ZNF483: variants seen among roughly 807,000 people sequenced by gnomAD.
ZNF483 encodes zinc finger protein HIT-10.
In ZNF483, 9 loss-of-function variants were observed where a neutral mutation model predicts 28.6. The observed-to-expected ratio is 0.32, with a 90% confidence interval of 0.19 to 0.55. The LOEUF (loss-of-function observed/expected upper bound fraction) is 0.55, where lower values mean the gene tolerates loss of function less well. Among genes scored for constraint, ZNF483 ranks in the 20% least tolerant of loss-of-function variants. The pLI is 0.93. For missense variants in ZNF483, 675 were observed against 871.7 expected, an observed-to-expected ratio of 0.77 and a Z score of 2.84; for synonymous variants, 322 against 306.2, an observed-to-expected ratio of 1.05 and a Z score of -0.54.
chr9:111,570,281 CA>C, intron 5 of ZNF483: 1 of 1,526,658 alleles, frequency 6.6e-7, no homozygotes, highest in South Asian at 1.3e-5. Context: ...CAGTACAGGT[CA>C]CTGTCACTGT....
chr9:111,570,586 T>C lies in ZNF483; in HGVS notation c.722-5779T>C, dbSNP rs924860577. On this transcript the variant is annotated intron_variant, in intron 5 of 5. Transcript: ENST00000358151. ...GAGTTCGAGACCAGCCTGGCCAACA[T>C]AGTGAAACCCCCGTCTCTTCTAAAA... is the stretch of plus-strand genomic sequence containing the variant. Among the ~76,000 whole-genome samples, 5 of 150,414 alleles carry C rather than the reference T, an allele frequency of 3.3e-5. No individual in the cohort carries two copies. In the East Asian group the frequency reaches 7.8e-4, roughly 24 times the overall value.
Position 111,533,719 on chromosome 9 carries a change from A to G in ZNF483, c.502-20A>G. The G allele has an allele frequency of 1.9e-6, 3 of 1,543,858 alleles. No individual in the cohort carries two copies. Among genetic ancestry groups the G allele is most frequent in the Non-Finnish European group, 2.6e-6 (3 of 1,156,660 alleles). ...CTATTTGGGAATAATCCAATACAAA[A>G]GAGCTGTTTGGTGTTCTAGGAATCT... On this transcript the variant is annotated intron_variant, in intron 3 of 5. Transcript: ENST00000309235.
rs1554814319 is a variant in ZNF483, at chr9:111,544,372, G to GTA, written c.*1205_*1206dup. 4.2e-6 allele frequency: 4 copies of GTA among 944,080 alleles called. No individual in the cohort carries two copies. Among genetic ancestry groups the GTA allele is most frequent in the South Asian group, 5.0e-5 (1 of 20,064 alleles). 58.5% of individuals were successfully genotyped at this position (944,080 alleles called of 1,614,324 possible). ...CATGTGTGTGTGTGTGTGTGTGTGT[G>GTA]TATACATTGTTGCCACTATCTAAAA... On this transcript the variant is annotated 3_prime_UTR_variant, in exon 6 of 6. Coordinates refer to ENST00000309235, the MANE Select transcript of ZNF483 (RefSeq NM_133464.5).
intron 5 of ZNF483, among the ~76,000 whole-genome samples, chr9:111,564,507 G>A (rs1003943557): frequency 1.4e-4 from 21 of 151,450 alleles, no homozygotes; most frequent in Non-Finnish European, 2.2e-4. Context: ...GGTCTTGCTA[G>A]GTTGCCCAGG....
At chr9:111,533,227 A>G (rs1827394212) in intron 3 of ZNF483, among the ~76,000 whole-genome samples, 1 of 152,240 alleles carries the variant, frequency 6.6e-6, no homozygotes, top group Non-Finnish European at 1.5e-5. Context: ...CACATTCCAG[A>G]TAATTCTTGT....
At position 111,551,602 on chromosome 9, in the gene ZNF483, G is replaced by A. The variant is rs1397357697; in HGVS notation, c.*8432G>A. On this transcript the variant is annotated 3_prime_UTR_variant, in exon 6 of 6. Coordinates refer to ENST00000309235, the MANE Select transcript of ZNF483 (RefSeq NM_133464.5). Reference sequence around the variant, plus strand: ...ATTTTAGTAGAGGCGGGGTTTCACTGTGTTGCCCAGGCTGTTCTCCAACTC... The same window carrying A: ...ATTTTAGTAGAGGCGGGGTTTCACTATGTTGCCCAGGCTGTTCTCCAACTC... Among the ~76,000 whole-genome samples, 1 of 151,572 alleles carries A rather than the reference G, an allele frequency of 6.6e-6. No individual in the cohort carries two copies. The highest frequency in any genetic ancestry group is 6.6e-5 in the Admixed American group (1 of 15,200).
Position 111,542,537 on chromosome 9 carries a change from C to T in ZNF483, c.1602C>T (p.Asp534=), listed in dbSNP as rs188457746. 1.9e-6 allele frequency: 3 copies of T among 1,613,992 alleles called. No individual in the cohort carries two copies. The highest frequency in any genetic ancestry group is 2.7e-5 in the African/African-American group (2 of 74,970). ...KCKDCGRPFS[D]SSSLIQHQRI... ...AAGACTGTGGGAGACCCTTTAGTGA[C>T]AGTTCATCTCTTATTCAACATCAGC... The change falls in exon 6 of 6, where the codon GAC becomes GAT. Residue 534 remains aspartate (D), a synonymous_variant. Transcript: ENST00000309235. The surrounding 1 kb of genome is among the most constrained non-coding windows in gnomAD (Gnocchi z 6.2).
In ZNF483 at chr9:111,552,281, A is replaced by C. The variant is rs562307311; in HGVS notation, c.*9111A>C. Among the ~76,000 whole-genome samples, 3 of 150,980 alleles carry C rather than the reference A, an allele frequency of 2.0e-5. No individual in the cohort carries two copies. In the East Asian group the frequency reaches 6.2e-4, roughly 31 times the overall value. ...GTAAAGAAACAAGATCATTAGATAC[A>C]TTGTCTTTTTTTTTCAGAAGTTTCA... On this transcript the variant is annotated 3_prime_UTR_variant, in exon 6 of 6. Transcript: ENST00000309235.
chr9:111,566,044 T>C (rs992453643), intron 5 of ZNF483, among the ~76,000 whole-genome samples: 2 of 151,800 alleles, frequency 1.3e-5, no homozygotes, highest in Admixed American at 1.3e-4. Context: ...AAACCCCATC[T>C]CTACTAAAAA....
chr9:111,547,908 G>A lies in ZNF483; in HGVS notation c.*4738G>A, dbSNP rs1827842450. On this transcript the variant is annotated 3_prime_UTR_variant, in exon 6 of 6. Coordinates refer to ENST00000309235, the MANE Select transcript of ZNF483 (RefSeq NM_133464.5). ...ATCCTTTCCACATCATGTATTCTTTGCACTCTTGTCAAAGATCATTTGACC... is the reference window on the plus strand; with the variant it reads ...ATCCTTTCCACATCATGTATTCTTTACACTCTTGTCAAAGATCATTTGACC... Among the ~76,000 whole-genome samples, 1 of 152,068 alleles carries A rather than the reference G, an allele frequency of 6.6e-6. No individual in the cohort carries two copies. Among genetic ancestry groups the A allele is most frequent in the African/African-American group, 2.4e-5 (1 of 41,408 alleles).
downstream of ZNF483, among the ~76,000 whole-genome samples, chr9:111,556,045 T>C (rs1320312360): frequency 6.6e-6 from 1 of 152,244 alleles, no homozygotes; most frequent in East Asian, 1.9e-4. Context: ...AACAAGTTAG[T>C]TACTTCCAAG....
Position 111,549,177 on chromosome 9 carries a change from A to T in ZNF483, c.*6007A>T, listed in dbSNP as rs1383084390. Among the ~76,000 whole-genome samples, 1 of 152,172 alleles carries T rather than the reference A, an allele frequency of 6.6e-6. No homozygotes were observed. The highest frequency in any genetic ancestry group is 1.9e-4 in the East Asian group (1 of 5,202). On this transcript the variant is annotated 3_prime_UTR_variant, in exon 6 of 6. Coordinates refer to ENST00000309235, the MANE Select transcript of ZNF483 (RefSeq NM_133464.5). Reference sequence around the variant, plus strand: ...TCTGTGTGTGTGAGTGTATAAATAAAGATTTAATTTTGTTTTGCTCTTTTG... The same window carrying T: ...TCTGTGTGTGTGAGTGTATAAATAATGATTTAATTTTGTTTTGCTCTTTTG...
rs1291290849 is a variant in ZNF483, at chr9:111,547,957, G to T, written c.*4787G>T. 3.3e-5 allele frequency among the ~76,000 whole-genome samples: 5 copies of T among 151,946 alleles called. No individual in the cohort carries two copies. Among genetic ancestry groups the T allele is most frequent in the Non-Finnish European group, 5.9e-5 (4 of 67,970 alleles). ...CCATATACATGCATGTTTATTTCTG[G>T]CTGTCTGCTCTGTTTCTTTGGTCTA... On this transcript the variant is annotated 3_prime_UTR_variant, in exon 6 of 6. Transcript: ENST00000309235.
chr9:111,534,440 G>T, intron 5 of ZNF483, 87 bp downstream of exon 5: 4 of 1,107,912 alleles, frequency 3.6e-6, no homozygotes, highest in Non-Finnish European at 4.1e-6. Flanking sequence ...GGGCTGCCTA[G>T]ATACTAAAAT....
At chr9:111,530,851 G>T in intron 2 of ZNF483, 24 bp from the exon 3 acceptor site, 1 of 1,132,420 alleles carries the variant, frequency 8.8e-7, no homozygotes. Context: ...TGAACGACTG[G>T]ACTGGTTTTC....
intron 5 of ZNF483, chr9:111,563,357 T>C: frequency 1.1e-6 from 1 of 949,792 alleles, no homozygotes. Context: ...ATGGAAGTCC[T>C]GTCCTCCATG....
In ZNF483 at chr9:111,549,124, TAG is replaced by T. The variant is rs1827868087; in HGVS notation, c.*5959_*5960del. Among the ~76,000 whole-genome samples the T allele has an allele frequency of 1.3e-5, 2 of 152,270 alleles. No homozygotes were observed. The highest frequency in any genetic ancestry group is 4.8e-5 in the African/African-American group (2 of 41,562). Reference sequence around the variant, plus strand: ...GTTTATTGCTTTATTATCAGTGCAATAGAGAGTCACTGAGTCACTGGAGGTTC... The same window carrying T: ...GTTTATTGCTTTATTATCAGTGCAATAGAGTCACTGAGTCACTGGAGGTTC... On this transcript the variant is annotated 3_prime_UTR_variant, in exon 6 of 6. Coordinates refer to ENST00000309235, the MANE Select transcript of ZNF483 (RefSeq NM_133464.5).
chr9:111,527,776 A>G lies in ZNF483; in HGVS notation c.381A>G (p.Ile127Met). 6.2e-7 allele frequency: 1 copy of G among 1,614,168 alleles called. No individual in the cohort carries two copies. The highest frequency in any genetic ancestry group is 1.3e-5 in the African/African-American group (1 of 75,060). Residue 127 changes from isoleucine (I) to methionine (M), a missense_variant, in exon 2 of 6, where the codon ATA (isoleucine) becomes ATG (methionine). Around this residue, in one of 6 missense-constraint regions of ZNF483, gnomAD observed 525 missense variants for 581.8 expected, o/e 0.90. Coordinates refer to ENST00000309235, the MANE Select transcript of ZNF483 (RefSeq NM_133464.5). Reference sequence around the variant, plus strand: ...GTAGTGAGGAAGTGGTGACCCTAATAGAAGATTTGACCCAGATGCTTGAAG... The same window carrying G: ...GTAGTGAGGAAGTGGTGACCCTAATGGAAGATTTGACCCAGATGCTTGAAG... ...PESSEEVVTL[I>M]EDLTQMLEEK...
In ZNF483 at chr9:111,528,004, G is replaced by A. The variant is rs1827223328; in HGVS notation, c.412+197G>A. ...TCTCAGAATGTAAATATTTTTATCT[G>A]TTAAAAAGGGATTTTATCTTTCTTG... On this transcript the variant is annotated intron_variant, in intron 2 of 5. Coordinates refer to ENST00000309235, the MANE Select transcript of ZNF483 (RefSeq NM_133464.5). 3 of 1,464,774 alleles carry A rather than the reference G, an allele frequency of 2.0e-6. No homozygotes were observed. The Admixed American group carries it at 8.2e-5, about 40-fold the overall frequency. 90.7% of individuals were successfully genotyped at this position (1,464,774 alleles called of 1,614,324 possible). A position where few individuals can be genotyped will look rare whatever the true frequency, so the allele number is the denominator to read the frequency against.
Sources: allele counts gnomAD v4.1 joint callset (sites outside exome capture counted in the v4.1 genomes callset), GRCh38; gene constraint gnomAD v4.1.1; regional missense constraint gnomAD v4.1.1; non-coding constraint Gnocchi (gnomAD v3.1); transcripts MANE v1.5; gene names NCBI Gene and HGNC (gene_info 2026-07-23, HGNC 2026-07-21).